RBM19: variants seen among roughly 807,000 people sequenced by gnomAD.
The protein encoded by RBM19 is RNA binding motif protein 19, also known as probable RNA-binding protein 19.
Under a neutral mutation model 116.8 loss-of-function variants are expected in RBM19, and 94 were observed. That is an observed-to-expected ratio of 0.80 (90% CI 0.68 to 0.95). RBM19 has a LOEUF of 0.95. RBM19 is among the 40% of genes least tolerant of loss of function. The pLI is 0.00. For missense variants in RBM19, 1,161 were observed against 1,220.7 expected (o/e 0.95, Z 0.73); for synonymous variants, 475 against 494.1 (o/e 0.96, Z 0.51).
At chr12:113,959,504 G>T in intron 4 of RBM19, 100 bp from the exon 5 acceptor site, 2 of 1,301,340 alleles carry the variant, frequency 1.5e-6, no homozygotes, top group Non-Finnish European at 2.1e-6. Flanking sequence ...CTCTTAAGAG[G>T]GTGAGAAGAT....
chr12:113,945,283 AGAC>A (rs1398926113), intron 13 of RBM19, among the ~76,000 whole-genome samples: 14 of 152,208 alleles, frequency 9.2e-5, no homozygotes, highest in African/African-American at 2.7e-4. Context: ...GAATAAAGCT[AGAC>A]TTGGGAGAGA....
At chr12:113,909,357 A>ATGGCCTCCTGTTTT (rs1566010463) in intron 21 of RBM19, among the ~76,000 whole-genome samples, 213 of 152,232 alleles carry the variant, frequency 1.4e-3, no homozygotes, top group African/African-American at 4.9e-3. Context: ...CTAGCTTCAA[A>ATGGCCTCCTGTTTT]GGATCCTCCT....
At position 113,876,344 on chromosome 12, in the gene RBM19, C is replaced by T. The variant is rs550011746; in HGVS notation, c.2559-17448G>A. On this transcript the variant is annotated intron_variant, in intron 21 of 23. Transcript: ENST00000261741. ...CCTGGGAGTCCAGCTGCCTCCAGTG[C>T]TTATAAGCCTCTCTCCTCCACTTGG... Among the ~76,000 whole-genome samples, 12 of 152,272 alleles carry T rather than the reference C, an allele frequency of 7.9e-5. No individual in the cohort carries two copies. The South Asian group carries it at 2.5e-3, about 32-fold the overall frequency.
At chr12:113,879,169 A>C (rs1181347932) in intron 21 of RBM19, among the ~76,000 whole-genome samples, 1 of 152,136 alleles carries the variant, frequency 6.6e-6, no homozygotes, top group Non-Finnish European at 1.5e-5. Context: ...AGCCTGGGGC[A>C]GTCCTCTGTG....
intron 1 of RBM19, 145 bp downstream of exon 1, chr12:113,966,047 G>T (rs1872839560): frequency 1.1e-6 from 1 of 879,068 alleles, no homozygotes; most frequent in African/African-American, 1.7e-5. Flanking sequence ...GATAAGCCCA[G>T]GATCCCGCCC....
At chr12:113,930,498 A>C (rs747179888) in intron 16 of RBM19, among the ~76,000 whole-genome samples, 131 of 152,224 alleles carry the variant, frequency 8.6e-4, no homozygotes, top group Non-Finnish European at 1.5e-3. Context: ...AGCTGCCCTT[A>C]GCCCCAGCCC....
intron 21 of RBM19, among the ~76,000 whole-genome samples, chr12:113,912,088 G>C (rs1383548552): frequency 6.6e-6 from 1 of 152,244 alleles, no homozygotes; most frequent in Non-Finnish European, 1.5e-5. Flanking sequence ...GGTTAGTTAA[G>C]GGGCTGGAGT....
At chr12:113,901,656 C>A (rs927623120) in intron 21 of RBM19, among the ~76,000 whole-genome samples, 1 of 152,130 alleles carries the variant, frequency 6.6e-6, no homozygotes, top group Non-Finnish European at 1.5e-5. Flanking sequence ...CGACAGGCGC[C>A]TGCCACCACG....
At chr12:113,831,325 A>G (rs1232976695) in intron 23 of RBM19, among the ~76,000 whole-genome samples, 1 of 152,186 alleles carries the variant, frequency 6.6e-6, no homozygotes, top group Non-Finnish European at 1.5e-5. Flanking sequence ...AAGCAGTAAT[A>G]AAAACCTTGT....
At chr12:113,819,238 G>A (rs1874264520), downstream of RBM19, among the ~76,000 whole-genome samples, 1 of 152,184 alleles carries the variant, frequency 6.6e-6, no homozygotes, top group Non-Finnish European at 1.5e-5. Context: ...TCTGAACACC[G>A]GGTCACAGGC....
chr12:113,960,078 G>A lies in RBM19; in HGVS notation c.320C>T (p.Thr107Ile), dbSNP rs896787340. Residue 107 changes from threonine (T) to isoleucine (I), a missense_variant, in exon 3 of 24, where the codon ACT becomes ATT. By Grantham distance (89) the Thr-to-Ile change is moderately conservative. Transcript: ENST00000261741. Reference sequence around the variant, plus strand: ...ACATACTTTCTTAATTTCTGGAGTAGTAGAGTCTTTTGGAGGCTGCTTGGG... The same window carrying A: ...ACATACTTTCTTAATTTCTGGAGTAATAGAGTCTTTTGGAGGCTGCTTGGG... ...SQPKQPPKDS[T>I]TPEIKKDEKK... 2 of 1,614,114 alleles carry A rather than the reference G, an allele frequency of 1.2e-6. No individual in the cohort carries two copies. Among genetic ancestry groups the A allele is most frequent in the Non-Finnish European group, 1.7e-6 (2 of 1,180,050 alleles).
chr12:113,959,961 G>C, intron 3 of RBM19, 58 bp from the exon 4 acceptor site: 2 of 1,613,528 alleles, frequency 1.2e-6, no homozygotes, highest in Non-Finnish European at 1.7e-6. Context: ...CTGGGAAACA[G>C]AACTGCACTG....
At chr12:113,948,761 C>T in intron 10 of RBM19, 72 bp downstream of exon 10, 10 of 1,510,600 alleles carry the variant, frequency 6.6e-6, no homozygotes, top group Non-Finnish European at 9.1e-6. Context: ...GGACTTGAAC[C>T]CAGGACGTCA....
At chr12:113,927,491 C>T in intron 16 of RBM19, 1 of 433,454 alleles carries the variant, frequency 2.3e-6, no homozygotes, top group Non-Finnish European at 4.1e-6. Flanking sequence ...GAGCCTTAAA[C>T]AGGACCAGCT....
At chr12:113,837,531 C>T (rs766561594) in intron 23 of RBM19, among the ~76,000 whole-genome samples, 1 of 152,228 alleles carries the variant, frequency 6.6e-6, no homozygotes, top group Non-Finnish European at 1.5e-5. Flanking sequence ...CTTGGAGCCC[C>T]ACCGTTTCCC....
chr12:113,836,902 A>C (rs1267493869), intron 23 of RBM19, among the ~76,000 whole-genome samples: 2 of 10,566 alleles, frequency 1.9e-4, no homozygotes, highest in African/African-American at 4.5e-4. Context: ...CTACATACAC[A>C]CCCCCCCCCC....
rs142990223 is a variant in RBM19 at position 113,858,875 on chromosome 12, C to T, written c.2580G>A (p.Thr860=). 7.1e-5 allele frequency: 114 copies of T among 1,614,144 alleles called. No individual in the cohort carries two copies. The African/African-American group carries it at 8.3e-4, about 12-fold the overall frequency. ...CAGTCATCTTCTTTGGCAGGCGGAC[C>T]GTCTTCAACTCCCCAAAGGTGCTAG... ...ELFSTFGELK[T]VRLPKKMTGT... is the part of the protein sequence containing the mutation. The change falls in exon 22 of 24, where the codon ACG becomes ACA. Residue 860 remains threonine (T), a synonymous_variant. Transcript: ENST00000261741.
rs545022612 is a variant in RBM19, at chr12:113,847,494, A to G, written c.2665-2706T>C. Among the ~76,000 whole-genome samples, 3 of 152,232 alleles carry G rather than the reference A, an allele frequency of 2.0e-5. No homozygotes were observed. In the East Asian group the frequency reaches 5.8e-4, roughly 29 times the overall value. ...CACGCGTTCTCAGCTGGCGAGGCAG[A>G]GAAATGGCTTGACTGGGGGAGCTGG... is the stretch of plus-strand genomic sequence containing the variant. On this transcript the variant is annotated intron_variant, in intron 22 of 23. Transcript: ENST00000261741.
chr12:113,863,508 T>C (rs1686544645), intron 21 of RBM19, among the ~76,000 whole-genome samples: 1 of 152,212 alleles, frequency 6.6e-6, no homozygotes, highest in Non-Finnish European at 1.5e-5. Flanking sequence ...CTGGGAGTCC[T>C]GCTTAACCCC....
Sources: gnomAD v4.1 joint callset for allele counts (sites outside exome capture counted in the v4.1 genomes callset) on GRCh38, gnomAD v4.1.1 for gene constraint, MANE v1.5 for transcripts, NCBI Gene and HGNC (gene_info 2026-07-23, HGNC 2026-07-21) for gene names.